HELB: variants seen among roughly 807,000 people sequenced by gnomAD.
HELB encodes the protein DNA 5'-3' helicase B.
A neutral mutation model predicts 101.7 loss-of-function variants in HELB; 96 were observed. The ratio of observed to expected loss-of-function variants is 0.94; its 90% CI spans 0.80 to 1.12. HELB has a LOEUF of 1.12. Ranked by LOEUF, HELB falls within the 50% of genes most tolerant of loss-of-function variation. The pLI is 0.00. For missense variants in HELB, 1,210 were observed against 1,291.9 expected, an observed-to-expected ratio of 0.94 and a Z score of 0.97; for synonymous variants, 437 against 459.7, an observed-to-expected ratio of 0.95 and a Z score of 0.63.
intron 12 of HELB, among the ~76,000 whole-genome samples, chr12:66,333,887 T>G (rs1264725125): frequency 1.3e-5 from 2 of 151,186 alleles, no homozygotes; most frequent in Non-Finnish European, 3.0e-5. Flanking sequence ...AGTCCCAGCA[T>G]GGTGGCTCAT....
At chr12:66,343,426 T>A (rs2053931528) in intron 13 of HELB, 1 of 152,034 alleles carries the variant, frequency 6.6e-6, no homozygotes, top group Admixed American at 6.6e-5. Context: ...CTGCACCACC[T>A]CACCTGGCTA....
chr12:66,305,830 A>T (rs1431475137), intron 2 of HELB, among the ~76,000 whole-genome samples: 1 of 152,190 alleles, frequency 6.6e-6, no homozygotes, highest in Non-Finnish European at 1.5e-5. Context: ...ACATTTAGGA[A>T]ATACTTCAGT....
chr12:66,331,739 T>C (rs761360838), intron 12 of HELB, 94 bp downstream of exon 12: 9 of 1,186,952 alleles, frequency 7.6e-6, no homozygotes, highest in African/African-American at 1.5e-5. Context: ...TAGTGTTGCA[T>C]TGTGCTGTTG....
Position 66,338,083 on chromosome 12 carries a change from C to A in HELB, c.3245C>A (p.Thr1082Asn). The A allele has an allele frequency of 6.3e-7, 1 of 1,578,098 alleles. No homozygotes were observed. Among genetic ancestry groups the A allele is most frequent in the Non-Finnish European group, 8.7e-7 (1 of 1,147,830 alleles). Residue 1082 changes from threonine (T) to asparagine (N), a missense_variant, in exon 13 of 13, where the codon ACC (threonine) becomes AAC (asparagine). Coordinates refer to ENST00000247815, the MANE Select transcript of HELB (RefSeq NM_001370285.1). The part of the protein sequence containing the change: ...NLIPRQLFKP[T>N]DNQET ...ATTCCCAGGCAACTTTTCAAGCCCACCGATAATCAAGAAACTTAGTTTTAT... is the reference window on the plus strand; with the variant it reads ...ATTCCCAGGCAACTTTTCAAGCCCAACGATAATCAAGAAACTTAGTTTTAT...
Position 66,324,101 on chromosome 12 carries a change from G to A in HELB, c.2416G>A (p.Asp806Asn). 1 of 1,613,742 alleles carries A rather than the reference G, an allele frequency of 6.2e-7. No individual in the cohort carries two copies. The highest frequency in any genetic ancestry group is 8.5e-7 in the Non-Finnish European group (1 of 1,179,782). The change falls in exon 10 of 13, where the codon GAT (aspartate) becomes AAT (asparagine). Residue 806 changes from aspartate to asparagine, a missense_variant. Asp to Asn is a conservative substitution (Grantham distance 23). Transcript: ENST00000247815. ...ISGSQQNNDL[D>N]ASSEDFSGTL... The stretch of plus-strand genomic sequence containing the variant: ...TGGAAGTCAGCAAAATAATGATCTA[G>A]ATGCCAGTAGTGAAGACTTTTCTGG...
intron 1 of HELB, among the ~76,000 whole-genome samples, chr12:66,304,296 GAT>G (rs35957837): frequency 0.44 from 66,834 of 151,950 alleles, 15,581 homozygotes; most frequent in Middle Eastern, 0.63. Flanking sequence ...CTAAGTAAGT[GAT>G]AGTTAAGCTG....
At chr12:66,309,664 C>T (rs2136990981) in intron 3 of HELB, 42 bp from the exon 4 acceptor site, 1 of 1,310,504 alleles carries the variant, frequency 7.6e-7, no homozygotes, top group Non-Finnish European at 1.1e-6. Flanking sequence ...TTCATAAACA[C>T]TTATGATGTT....
intron 6 of HELB, among the ~76,000 whole-genome samples, chr12:66,316,266 ACATTGC>A (rs1282781593): frequency 3.3e-5 from 5 of 152,160 alleles, no homozygotes; most frequent in Admixed American, 3.3e-4. Context: ...ACGACGATGA[ACATTGC>A]CAAATGATGC....
intron 11 of HELB, 98 bp from the exon 12 acceptor site, chr12:66,331,056 C>A: frequency 7.3e-7 from 1 of 1,374,590 alleles, no homozygotes; most frequent in Non-Finnish European, 9.9e-7. Context: ...GGTAGAAGTG[C>A]TTGAGAGCAC....
At chr12:66,331,766 T>C in intron 12 of HELB, 121 bp downstream of exon 12, 1 of 979,564 alleles carries the variant, frequency 1.0e-6, no homozygotes, top group East Asian at 2.4e-5. Context: ...AAAACAATTG[T>C]TTTTCTCATT....
downstream of HELB, chr12:66,342,557 T>G (rs2053925617): frequency 6.6e-6 from 1 of 152,030 alleles, no homozygotes; most frequent in Non-Finnish European, 1.5e-5. Context: ...TTTTGTATTT[T>G]TAGTAGAGAC....
intron 4 of HELB, 35 bp from the exon 5 acceptor site, chr12:66,313,950 TA>T: frequency 6.2e-7 from 1 of 1,600,674 alleles, no homozygotes; most frequent in Non-Finnish European, 8.5e-7. Flanking sequence ...GTAGATTTTA[TA>T]ACCTGACTTT....
chr12:66,340,098 G>A (rs2137023848), downstream of HELB: 1 of 152,310 alleles, frequency 6.6e-6, no homozygotes, highest in Middle Eastern at 3.4e-3. Context: ...AAGTTTTTAT[G>A]TGGACATATG....
chr12:66,331,303 T>C lies in HELB; in HGVS notation c.2820T>C (p.Ser940=). 1 of 1,614,072 alleles carries C rather than the reference T, an allele frequency of 6.2e-7. No homozygotes were observed. The highest frequency in any genetic ancestry group is 1.1e-5 in the South Asian group (1 of 91,080). ...TCCGGAATGCCATTATGAAAAACAG[T>C]TTTCCTAGAAAAACTCGTTTGAAAC... ...SQLRNAIMKN[S]FPRKTRLKHF... is the part of the protein sequence containing the mutation. Residue 940 remains serine (S), a synonymous_variant, in exon 12 of 13, where the codon AGT becomes AGC. Coordinates refer to ENST00000247815, the MANE Select transcript of HELB (RefSeq NM_001370285.1).
chr12:66,310,201 G>A lies in HELB; in HGVS notation c.1273G>A (p.Gly425Ser). Reference sequence around the variant, plus strand: ...GGATGTTGTGGACACACAGGACAATGGTGACCATATTTGGACTAATGGTGA... The same window carrying A: ...GGATGTTGTGGACACACAGGACAATAGTGACCATATTTGGACTAATGGTGA... ...PVDVVDTQDN[G>S]DHIWTNGENE... The change falls in exon 4 of 13, where the codon GGT (glycine) becomes AGT (serine). Residue 425 changes from glycine to serine, a missense_variant. Transcript: ENST00000247815. The A allele has an allele frequency of 1.2e-6, 2 of 1,614,114 alleles. No homozygotes were observed. The highest frequency in any genetic ancestry group is 1.7e-6 in the Non-Finnish European group (2 of 1,180,006).
intron 4 of HELB, among the ~76,000 whole-genome samples, chr12:66,312,602 T>C (rs1013430238): frequency 2.0e-5 from 3 of 152,206 alleles, no homozygotes; most frequent in African/African-American, 7.2e-5. Context: ...AAGGGATCAT[T>C]ACCAAGTTTT....
chr12:66,340,662 C>T (rs1253574018), downstream of HELB: 1 of 196,546 alleles, frequency 5.1e-6, no homozygotes, highest in Non-Finnish European at 1.0e-5. Flanking sequence ...CACAAGGTCC[C>T]ACAATAGGTT....
intron 11 of HELB, among the ~76,000 whole-genome samples, chr12:66,325,977 A>C (rs1592644327): frequency 6.6e-6 from 1 of 152,170 alleles, no homozygotes; most frequent in South Asian, 2.1e-4. Flanking sequence ...TTAACATTTT[A>C]TAACTATGGC....
downstream of HELB, chr12:66,339,026 GA>G (rs375525983): frequency 7.9e-5 from 12 of 152,274 alleles, no homozygotes; most frequent in East Asian, 2.1e-3. Flanking sequence ...AATGGTAAAA[GA>G]AAAAGTCAAG....
Sources: gnomAD v4.1 joint callset for allele counts (sites outside exome capture counted in the v4.1 genomes callset) on GRCh38, gnomAD v4.1.1 for gene constraint, MANE v1.5 for transcripts, NCBI Gene and HGNC (gene_info 2026-07-23, HGNC 2026-07-21) for gene names.